Variants in EXOC4 observed in about 807,000 individuals in gnomAD.
EXOC4 encodes the protein SEC8-like 1.
In EXOC4, 71 loss-of-function variants were observed where a neutral mutation model predicts 107.2. The ratio of observed to expected loss-of-function variants is 0.66; its 90% CI spans 0.55 to 0.81. EXOC4 has a LOEUF of 0.81. EXOC4 is among the 30% of genes least tolerant of loss of function. The probability of loss-of-function intolerance (pLI) is 0.00; values close to 1 mark genes in which losing one functional copy is unlikely to be tolerated. For missense variants in EXOC4, 1,108 were observed against 1,189.6 expected (o/e 0.93, Z 1.01); for synonymous variants, 456 against 441.2 (o/e 1.03, Z -0.42).
intron 10 of EXOC4, 26 bp downstream of exon 10, chr7:133,630,167 A>G (rs1231852286): frequency 1.3e-6 from 2 of 1,507,016 alleles, no homozygotes; most frequent in South Asian, 1.1e-5. Flanking sequence ...TGATATACTT[A>G]CTGAAGATCA....
chr7:133,815,742 T>C lies in EXOC4; in HGVS notation c.1515-1583T>C, dbSNP rs766867288. Among the ~76,000 whole-genome samples, 122 of 152,314 alleles carry C rather than the reference T, an allele frequency of 8.0e-4. 1 individual carries two copies. The highest frequency in any genetic ancestry group is 3.4e-3 in the Admixed American group (52 of 15,298). On this transcript the variant is annotated intron_variant, in intron 10 of 17. Transcript: ENST00000253861. ...TGGCTTCTCATCTCTCTTCATCCTC[T>C]GCATCCCTTTGGTCACAACCACCTT...
the EXOC4 span, among the ~76,000 whole-genome samples, chr7:134,092,047 G>T: frequency 6.6e-6 from 1 of 152,070 alleles, no homozygotes; most frequent in African/African-American, 2.4e-5. Context: ...AAACACCTTT[G>T]TTCTTAAGCA....
At chr7:133,673,480 C>T (rs1023191449) in intron 10 of EXOC4, among the ~76,000 whole-genome samples, 12 of 152,206 alleles carry the variant, frequency 7.9e-5, no homozygotes, top group South Asian at 6.2e-4. Context: ...TTCATTGTTC[C>T]GGTGTATGCC....
Position 134,026,253 on chromosome 7 carries a change from T to C in EXOC4, c.2687+18418T>C, listed in dbSNP as rs528501296. 3.3e-5 allele frequency among the ~76,000 whole-genome samples: 5 copies of C among 151,298 alleles called. No homozygotes were observed. The East Asian group carries it at 9.8e-4, about 30-fold the overall frequency. On this transcript the variant is annotated intron_variant, in intron 17 of 17. Coordinates refer to ENST00000253861, the MANE Select transcript of EXOC4 (RefSeq NM_021807.4). ...TGTCTTTATAACTACATAGCCTGTC[T>C]CCCCACGATGGCAAAGTAGTAGCCC... is the stretch of plus-strand genomic sequence containing the variant.
intron 10 of EXOC4, among the ~76,000 whole-genome samples, chr7:133,636,526 C>T (rs1802716347): frequency 6.6e-6 from 1 of 152,130 alleles, no homozygotes; most frequent in African/African-American, 2.4e-5. Context: ...GAACACTTGG[C>T]ATGCATGAAG....
At chr7:133,777,283 G>GA (rs1796364799) in intron 10 of EXOC4, among the ~76,000 whole-genome samples, 1 of 454 alleles carries the variant, frequency 2.2e-3, no homozygotes, top group Non-Finnish European at 5.3e-3. Flanking sequence ...GAGAGAAAGA[G>GA]AGAGAGAGAG....
intron 10 of EXOC4, 69 bp from the exon 11 acceptor site, chr7:133,817,256 G>A: frequency 9.3e-7 from 1 of 1,076,806 alleles, no homozygotes; most frequent in African/African-American, 1.6e-5. Context: ...ATATACTCAT[G>A]TCCTCATGTC....
At chr7:134,037,083 T>C (rs1795406825) in intron 17 of EXOC4, among the ~76,000 whole-genome samples, 1 of 152,204 alleles carries the variant, frequency 6.6e-6, no homozygotes, top group Non-Finnish European at 1.5e-5. Context: ...CTTCATGTTA[T>C]TGAAAAGTGA....
chr7:133,937,844 C>CT, intron 13 of EXOC4, 47 bp from the exon 14 acceptor site: 1 of 1,598,016 alleles, frequency 6.3e-7, no homozygotes, highest in Non-Finnish European at 8.6e-7. Flanking sequence ...CCGGTCCTAC[C>CT]TTTTCCATGC....
Position 133,258,326 on chromosome 7 carries a change from A to G in EXOC4, c.86+5139A>G, listed in dbSNP as rs560461229. On this transcript the variant is annotated intron_variant, in intron 1 of 17. Transcript: ENST00000253861. ...TCCTGAAGGCTTTGAGGCCTGTAGT[A>G]TTGATGGTGGTGGTATGGTCAGGTT... Among the ~76,000 whole-genome samples, 6 of 151,628 alleles carry G rather than the reference A, an allele frequency of 4.0e-5. No homozygotes were observed. In the South Asian group the frequency reaches 1.3e-3, roughly 32 times the overall value.
chr7:133,363,631 CTACT>C (rs1440624304), intron 6 of EXOC4, among the ~76,000 whole-genome samples: 1 of 143,328 alleles, frequency 7.0e-6, no homozygotes, highest in Non-Finnish European at 1.5e-5. Context: ...AAAAAAAAAC[CTACT>C]CTCGATTTCT....
At chr7:133,766,975 C>A (rs190219373) in intron 10 of EXOC4, among the ~76,000 whole-genome samples, 1 of 152,024 alleles carries the variant, frequency 6.6e-6, no homozygotes, top group African/African-American at 2.4e-5. Context: ...TTCCTCTCAC[C>A]CTTTGTCAGA....
At chr7:133,835,940 C>A (rs957539447) in intron 11 of EXOC4, among the ~76,000 whole-genome samples, 1 of 152,146 alleles carries the variant, frequency 6.6e-6, no homozygotes, top group African/African-American at 2.4e-5. Context: ...CAATTATAGA[C>A]CTTGTGCCTG....
intron 9 of EXOC4, chr7:133,576,747 G>A (rs1801138927): frequency 7.8e-7 from 1 of 1,289,574 alleles, no homozygotes; most frequent in South Asian, 1.2e-5. Flanking sequence ...TGGTCTACAG[G>A]GTACTATTGG....
chr7:133,694,489 AGAGTT>A (rs1461626161), intron 10 of EXOC4, among the ~76,000 whole-genome samples: 1 of 152,218 alleles, frequency 6.6e-6, no homozygotes, highest in Non-Finnish European at 1.5e-5. Context: ...TAAAAGAAAC[AGAGTT>A]GTTTATCATA....
chr7:133,880,273 T>C (rs569082485), intron 11 of EXOC4, among the ~76,000 whole-genome samples: 7 of 152,330 alleles, frequency 4.6e-5, no homozygotes, highest in Admixed American at 3.9e-4. Context: ...AGCCCATGCT[T>C]TTTACCAAGA....
At chr7:133,326,719 C>T (rs1209008367) in intron 5 of EXOC4, among the ~76,000 whole-genome samples, 1 of 152,188 alleles carries the variant, frequency 6.6e-6, no homozygotes, top group Non-Finnish European at 1.5e-5. Flanking sequence ...GGGAGAACCA[C>T]TACAAACTTC....
At chr7:134,015,703 C>T (rs547652072) in intron 17 of EXOC4, among the ~76,000 whole-genome samples, 18 of 151,914 alleles carry the variant, frequency 1.2e-4, no homozygotes, top group African/African-American at 3.6e-4. Context: ...GGTGAAATCC[C>T]GTCTCTACTA....
the EXOC4 span, among the ~76,000 whole-genome samples, chr7:134,083,200 C>T: frequency 3.3e-5 from 5 of 152,092 alleles, no homozygotes; most frequent in South Asian, 1.0e-3. Context: ...TGGGTATGAT[C>T]AGCTTGTGTA....
Sources: allele counts gnomAD v4.1 joint callset (sites outside exome capture counted in the v4.1 genomes callset), GRCh38; gene constraint gnomAD v4.1.1; transcripts MANE v1.5; gene names NCBI Gene and HGNC (gene_info 2026-07-23, HGNC 2026-07-21).